The following ZFYVE16 variants were observed in gnomAD, a reference collection of about 807,000 sequenced individuals.
The protein encoded by ZFYVE16 is zinc finger FYVE domain-containing protein 16.
ZFYVE16 carries 89 observed loss-of-function variants against 138.1 expected under a neutral mutation model. The ratio of observed to expected loss-of-function variants is 0.64; its 90% CI spans 0.54 to 0.77. The LOEUF (loss-of-function observed/expected upper bound fraction) is 0.77, where lower values mean the gene tolerates loss of function less well. Ranked by LOEUF, ZFYVE16 falls within the 30% of genes least tolerant of loss-of-function variation. The pLI, the probability that ZFYVE16 is intolerant of heterozygous loss-of-function variation, is 0.00. For missense variants in ZFYVE16, 1,793 were observed against 1,786.7 expected, an observed-to-expected ratio of 1.00 and a Z score of -0.06; for synonymous variants, 596 against 618.3, an observed-to-expected ratio of 0.96 and a Z score of 0.53.
intron 15 of ZFYVE16, among the ~76,000 whole-genome samples, chr5:80,460,517 G>A (rs1040644251): frequency 2.6e-5 from 4 of 151,930 alleles, no homozygotes; most frequent in South Asian, 2.1e-4. Context: ...TGTTGTCTTC[G>A]AGATTTAAAG....
chr5:80,419,850 C>G (rs781081050), intron 1 of ZFYVE16, among the ~76,000 whole-genome samples: 3 of 151,956 alleles, frequency 2.0e-5, no homozygotes, highest in Non-Finnish European at 4.4e-5. Context: ...CTCACTCTGT[C>G]ACCCAGGCTG....
rs964758037 is a variant in ZFYVE16 at position 80,431,341 on chromosome 5, A to G, written c.-39-2768A>G. Among the ~76,000 whole-genome samples, 3 of 152,224 alleles carry G rather than the reference A, an allele frequency of 2.0e-5. No individual in the cohort carries two copies. In the East Asian group the frequency reaches 5.8e-4, roughly 29 times the overall value. ...AAACAGAACCAAAGACAAAAACCAC[A>G]TGATTATCTCAATAGATGCAGAAAA... is the stretch of plus-strand genomic sequence containing the variant. On this transcript the variant is annotated intron_variant, in intron 2 of 18. Coordinates refer to ENST00000505560, the MANE Select transcript of ZFYVE16 (RefSeq NM_001284236.3).
At chr5:80,458,032 T>TA (rs749338847) in intron 14 of ZFYVE16, among the ~76,000 whole-genome samples, 6,524 of 73,334 alleles carry the variant, frequency 0.089, 339 homozygotes, top group African/African-American at 0.16. Flanking sequence ...AGACTACGTC[T>TA]AAAAAAAAAA....
rs1755249269 is a variant in ZFYVE16, at chr5:80,481,013, G to A, written c.*3636G>A. Among the ~76,000 whole-genome samples, 4 of 152,216 alleles carry A rather than the reference G, an allele frequency of 2.6e-5. No homozygotes were observed. Among genetic ancestry groups the A allele is most frequent in the Admixed American group, 2.6e-4 (4 of 15,284 alleles). On this transcript the variant is annotated 3_prime_UTR_variant, in exon 19 of 19. Coordinates refer to ENST00000505560, the MANE Select transcript of ZFYVE16 (RefSeq NM_001284236.3). ...TGTTTCTAGTCAGAGGACCAGAAAG[G>A]AGGTTGGAGGCTATGGGACAAAACC...
At chr5:80,415,591 G>A (rs1746087808) in intron 1 of ZFYVE16, among the ~76,000 whole-genome samples, 1 of 152,092 alleles carries the variant, frequency 6.6e-6, no homozygotes, top group African/African-American at 2.4e-5. Flanking sequence ...TATTATATTG[G>A]GGTAATGTGT....
chr5:80,453,508 G>A (rs781734336), intron 11 of ZFYVE16, among the ~76,000 whole-genome samples: 16 of 152,302 alleles, frequency 1.1e-4, no homozygotes, highest in Middle Eastern at 3.4e-3. Flanking sequence ...GGAGCAATAC[G>A]AAGGGCTTAT....
At chr5:80,451,338 T>C in intron 10 of ZFYVE16, 147 bp from the exon 11 acceptor site, 2 of 584,138 alleles carry the variant, frequency 3.4e-6, no homozygotes, top group Non-Finnish European at 5.8e-6. Flanking sequence ...AGAAAAAAAA[T>C]CTATAGTGTC....
chr5:80,447,079 G>A (rs1170230632), intron 7 of ZFYVE16, among the ~76,000 whole-genome samples: 1 of 151,886 alleles, frequency 6.6e-6, no homozygotes, highest in Non-Finnish European at 1.5e-5. Flanking sequence ...TGACCAACAT[G>A]GCAAAACCCC....
At chr5:80,468,661 A>G (rs1753977563) in intron 15 of ZFYVE16, among the ~76,000 whole-genome samples, 1 of 152,132 alleles carries the variant, frequency 6.6e-6, no homozygotes, top group South Asian at 2.1e-4. Flanking sequence ...TTCTTGATTT[A>G]TTCCTTTACC....
At chr5:80,439,717 TCTC>T (rs532287905) in intron 4 of ZFYVE16, among the ~76,000 whole-genome samples, 27 of 152,226 alleles carry the variant, frequency 1.8e-4, no homozygotes, top group African/African-American at 5.5e-4. Context: ...TTAAAGGAAT[TCTC>T]CTTATCAGAA....
chr5:80,473,070 C>G, intron 16 of ZFYVE16, 147 bp downstream of exon 16: 1 of 837,802 alleles, frequency 1.2e-6, no homozygotes, highest in East Asian at 2.9e-5. Context: ...TGAATGCAAT[C>G]TTTTTCAAAC....
At chr5:80,435,272 A>G (rs1398027794) in intron 3 of ZFYVE16, among the ~76,000 whole-genome samples, 1 of 151,714 alleles carries the variant, frequency 6.6e-6, no homozygotes, top group African/African-American at 2.4e-5. Flanking sequence ...TGGCCTTGTG[A>G]TCCACCCGCC....
chr5:80,438,205 A>G lies in ZFYVE16; in HGVS notation c.1520A>G (p.Asp507Gly). The G allele has an allele frequency of 6.2e-7, 1 of 1,614,012 alleles. No individual in the cohort carries two copies. Among genetic ancestry groups the G allele is most frequent in the Non-Finnish European group, 8.5e-7 (1 of 1,179,972 alleles). The stretch of plus-strand genomic sequence containing the variant: ...TTTATTAATACTTTTTCAAGCAATG[A>G]TATGGATGGGCAAGACTTAGATTAC... ...EGFINTFSSN[D>G]MDGQDLDYFN... The change falls in exon 4 of 19, where the codon GAT (aspartate) becomes GGT (glycine). Residue 507 changes from aspartate (D) to glycine (G), a missense_variant. Physicochemically the swap from Asp to Gly is moderately conservative, Grantham distance 94 (BLOSUM62 -1). Coordinates refer to ENST00000505560, the MANE Select transcript of ZFYVE16 (RefSeq NM_001284236.3).
chr5:80,424,330 T>C (rs1747682034), intron 1 of ZFYVE16, among the ~76,000 whole-genome samples: 2 of 152,222 alleles, frequency 1.3e-5, no homozygotes, highest in Non-Finnish European at 2.9e-5. Context: ...GACCTTTTTT[T>C]GTTCTCTATA....
intron 15 of ZFYVE16, among the ~76,000 whole-genome samples, chr5:80,472,068 A>G (rs887391215): frequency 1.3e-5 from 2 of 151,886 alleles, no homozygotes; most frequent in Non-Finnish European, 2.9e-5. Flanking sequence ...TCTGTTCCCC[A>G]TGCTGTAACA....
intron 1 of ZFYVE16, among the ~76,000 whole-genome samples, chr5:80,426,444 C>T (rs1393369613): frequency 1.3e-5 from 2 of 151,660 alleles, no homozygotes; most frequent in African/African-American, 4.9e-5. Flanking sequence ...CTCCCCTCAC[C>T]ACCACCCCCC....
At chr5:80,449,860 T>G in intron 9 of ZFYVE16, 147 bp downstream of exon 9, 2 of 911,492 alleles carry the variant, frequency 2.2e-6, no homozygotes, top group Non-Finnish European at 3.1e-6. Flanking sequence ...GTAAATAAAT[T>G]TTGCAAATTT....
chr5:80,464,785 T>C (rs1008625818), intron 15 of ZFYVE16, among the ~76,000 whole-genome samples: 1 of 152,188 alleles, frequency 6.6e-6, no homozygotes, highest in Non-Finnish European at 1.5e-5. Context: ...TAGTGTACCA[T>C]TTTAATTCAC....
intron 15 of ZFYVE16, among the ~76,000 whole-genome samples, chr5:80,460,748 T>C (rs1753014919): frequency 6.6e-6 from 1 of 152,198 alleles, no homozygotes; most frequent in Non-Finnish European, 1.5e-5. Flanking sequence ...TCTTAGCTTT[T>C]GTTTTGTTTT....
Sources: allele counts gnomAD v4.1 joint callset (sites outside exome capture counted in the v4.1 genomes callset), GRCh38; gene constraint gnomAD v4.1.1; transcripts MANE v1.5; gene names NCBI Gene and HGNC (gene_info 2026-07-23, HGNC 2026-07-21).